Variants in MSRA observed in about 807,000 individuals in gnomAD.
MSRA encodes methionine sulfoxide reductase A, also known as mitochondrial peptide methionine sulfoxide reductase.
Under a neutral mutation model 31.3 loss-of-function variants are expected in MSRA, and 54 were observed. The observed-to-expected ratio is 1.73, with a 90% confidence interval of 1.39 to 2.17. The LOEUF (loss-of-function observed/expected upper bound fraction) is 2.17, where lower values mean the gene tolerates loss of function less well. MSRA is among the 30% of genes most tolerant of loss of function. The pLI is 0.00. For missense variants in MSRA, 507 were observed against 300.9 expected (o/e 1.69, Z -5.07); for synonymous variants, 169 against 116.5 (o/e 1.45, Z -2.90).
intron 2 of MSRA, among the ~76,000 whole-genome samples, chr8:10,221,433 T>C (rs970750164): frequency 7.2e-6 from 1 of 138,568 alleles, no homozygotes; most frequent in Non-Finnish European, 1.6e-5. Context: ...TATGTATATA[T>C]GTGTATATAT....
At chr8:10,342,602 A>T (rs1486428397) in intron 5 of MSRA, among the ~76,000 whole-genome samples, 1 of 152,206 alleles carries the variant, frequency 6.6e-6, no homozygotes, top group African/African-American at 2.4e-5. Flanking sequence ...CAGAAGTCAA[A>T]TCTGAGGCCG....
intron 1 of MSRA, among the ~76,000 whole-genome samples, chr8:10,204,745 G>C (rs1808796352): frequency 6.6e-6 from 1 of 152,190 alleles, no homozygotes; most frequent in Non-Finnish European, 1.5e-5. Flanking sequence ...GATCAAATAA[G>C]TTATCTTTCA....
At chr8:10,190,273 CA>C (rs1807397271) in intron 1 of MSRA, among the ~76,000 whole-genome samples, 2 of 152,188 alleles carry the variant, frequency 1.3e-5, no homozygotes, top group South Asian at 4.1e-4. Context: ...CTCAAACCCT[CA>C]GCCTGGTGGT....
At chr8:10,322,286 G>A (rs1802086346) in intron 5 of MSRA, among the ~76,000 whole-genome samples, 1 of 151,036 alleles carries the variant, frequency 6.6e-6, no homozygotes, top group Non-Finnish European at 1.5e-5. Flanking sequence ...TTAAAGAGAA[G>A]TAAGACTGGA....
chr8:10,416,715 C>T (rs1808482247), intron 5 of MSRA, among the ~76,000 whole-genome samples: 1 of 152,220 alleles, frequency 6.6e-6, no homozygotes, highest in African/African-American at 2.4e-5. Context: ...GAGCTGCTTA[C>T]ACTCTAACCT....
At chr8:10,056,332 T>C (rs625218) in intron 1 of MSRA, among the ~76,000 whole-genome samples, 60,384 of 151,998 alleles carry the variant, frequency 0.4, 12,134 homozygotes, top group South Asian at 0.5. Flanking sequence ...ATCAGTTTCC[T>C]AATATGTAAA....
chr8:10,357,808 T>C (rs1804597585), intron 5 of MSRA, among the ~76,000 whole-genome samples: 1 of 152,112 alleles, frequency 6.6e-6, no homozygotes, highest in African/African-American at 2.4e-5. Flanking sequence ...GAGGGAGGGG[T>C]GTTATCAAAT....
chr8:10,193,381 G>A (rs1288899874), intron 1 of MSRA, among the ~76,000 whole-genome samples: 1 of 152,200 alleles, frequency 6.6e-6, no homozygotes, highest in Admixed American at 6.5e-5. Flanking sequence ...TGTCTCCCCT[G>A]TGTTTGATAT....
At chr8:10,141,718 CTT>C (rs773026493) in intron 1 of MSRA, among the ~76,000 whole-genome samples, 4 of 144,462 alleles carry the variant, frequency 2.8e-5, no homozygotes, top group Non-Finnish European at 3.1e-5. Flanking sequence ...CAAATGCCTG[CTT>C]TTTTTTTTTT....
At chr8:10,360,144 A>G (rs1243722180) in intron 5 of MSRA, among the ~76,000 whole-genome samples, 2 of 152,042 alleles carry the variant, frequency 1.3e-5, no homozygotes, top group Non-Finnish European at 2.9e-5. Flanking sequence ...TGCTGGAGTG[A>G]GCCAAGCTGC....
At chr8:10,199,539 C>T (rs968249832) in intron 1 of MSRA, among the ~76,000 whole-genome samples, 16 of 151,864 alleles carry the variant, frequency 1.1e-4, no homozygotes, top group Admixed American at 3.3e-4. Flanking sequence ...AGGATGGCGT[C>T]GCTCTCTTGA....
At chr8:10,099,089 G>A (rs940957968) in intron 1 of MSRA, among the ~76,000 whole-genome samples, 2 of 151,296 alleles carry the variant, frequency 1.3e-5, no homozygotes, top group Admixed American at 6.6e-5. Context: ...CTAGTGGTTC[G>A]TGTGTGTGTA....
At chr8:10,066,089 C>G (rs1183398821) in intron 1 of MSRA, among the ~76,000 whole-genome samples, 2 of 152,010 alleles carry the variant, frequency 1.3e-5, no homozygotes, top group African/African-American at 2.4e-5. Flanking sequence ...GTGGCATGAT[C>G]TCGGCTCACT....
In MSRA at chr8:10,331,303, C is replaced by T. The variant is rs958775218; in HGVS notation, c.543+11314C>T. 1.3e-5 allele frequency among the ~76,000 whole-genome samples: 2 copies of T among 152,240 alleles called. 1 individual carries two copies. Among genetic ancestry groups the T allele is most frequent in the South Asian group, 4.1e-4 (2 of 4,834 alleles). ...AGAGCACTGGCTTGGAGGAGAACAA[C>T]TGGCTGGAGCCCTGGCTCTGCCTGT... is the stretch of plus-strand genomic sequence containing the variant. On this transcript the variant is annotated intron_variant, in intron 5 of 5. Coordinates refer to ENST00000317173, the MANE Select transcript of MSRA (RefSeq NM_012331.5).
At chr8:10,191,732 G>A (rs532251854) in intron 1 of MSRA, among the ~76,000 whole-genome samples, 1 of 151,770 alleles carries the variant, frequency 6.6e-6, no homozygotes, top group African/African-American at 2.4e-5. Flanking sequence ...TATTGTTCCT[G>A]TGGAAATTGG....
intron 5 of MSRA, among the ~76,000 whole-genome samples, chr8:10,365,780 C>G (rs1371555534): frequency 6.6e-6 from 1 of 152,156 alleles, no homozygotes; most frequent in African/African-American, 2.4e-5. Flanking sequence ...TCCTGGTGCT[C>G]AGGTGAGAAA....
chr8:10,222,895 CTTGG>C (rs1490724605), intron 2 of MSRA, among the ~76,000 whole-genome samples: 2 of 152,210 alleles, frequency 1.3e-5, no homozygotes, highest in African/African-American at 4.8e-5. Context: ...TTCTGGAGAT[CTTGG>C]TGACTATAGT....
At chr8:10,205,332 G>C (rs369369050) in intron 1 of MSRA, among the ~76,000 whole-genome samples, 5 of 152,090 alleles carry the variant, frequency 3.3e-5, no homozygotes, top group Non-Finnish European at 5.9e-5. Flanking sequence ...CAGGTGTCTG[G>C]AGGGGGACAG....
chr8:10,283,160 A>ACACACACACT, intron 3 of MSRA, among the ~76,000 whole-genome samples: 1 of 140,238 alleles, frequency 7.1e-6, no homozygotes, highest in African/African-American at 2.7e-5. Flanking sequence ...ACACACACAC[A>ACACACACACT]CTCTCACCCT....
Sources: allele counts gnomAD v4.1 joint callset (sites outside exome capture counted in the v4.1 genomes callset), GRCh38; gene constraint gnomAD v4.1.1; transcripts MANE v1.5; gene names NCBI Gene and HGNC (gene_info 2026-07-23, HGNC 2026-07-21).